Variants in ATM observed in about 807,000 individuals in gnomAD.
ATM encodes the protein serine-protein kinase ATM.
A neutral mutation model predicts 387.0 loss-of-function variants in ATM; 308 were observed. The ratio of observed to expected loss-of-function variants is 0.80; its 90% CI spans 0.73 to 0.87. ATM has a LOEUF of 0.87. ATM is among the 40% of genes least tolerant of loss of function. The pLI is 0.00. For synonymous variants in ATM, 1,156 were observed against 1,187.3 expected, an observed-to-expected ratio of 0.97 and a Z score of 0.54; for missense variants, 3,312 against 3,560.9, an observed-to-expected ratio of 0.93 and a Z score of 1.78.
chr11:108,310,206 A>T lies in ATM; in HGVS notation c.5809A>T (p.Asn1937Tyr), dbSNP rs2136013971. 1 of 1,613,638 alleles carries T rather than the reference A, an allele frequency of 6.2e-7. No homozygotes were observed. Among genetic ancestry groups the T allele is most frequent in the Non-Finnish European group, 8.5e-7 (1 of 1,179,748 alleles). The change falls in exon 39 of 63, where the codon AAT becomes TAT. Residue 1937 changes from asparagine to tyrosine, a missense_variant. Coordinates refer to ENST00000675843, the MANE Select transcript of ATM (RefSeq NM_000051.4). ...TAATGATGCTTTCTGGCTGGATTTA[A>T]ATTATCTAGAAGTTGCCAAGGTAGC... ...IFNDAFWLDL[N>Y]YLEVAKVAQS...
chr11:108,293,919 A>ATATGTG (rs1397910875), intron 31 of ATM, among the ~76,000 whole-genome samples: 1 of 117,054 alleles, frequency 8.5e-6, no homozygotes, highest in East Asian at 2.3e-4. Flanking sequence ...ATATATATAT[A>ATATGTG]TGTGTGTGTA....
At position 108,246,998 on chromosome 11, in the gene ATM, A is replaced by G. The variant is rs587782257; in HGVS notation, c.936A>G (p.Leu312=). The G allele has an allele frequency of 4.3e-6, 7 of 1,612,578 alleles. No homozygotes were observed. Among genetic ancestry groups the G allele is most frequent in the Non-Finnish European group, 5.1e-6 (6 of 1,179,026 alleles). ...AYESTKWRSI[L]YNLYDLLVNE... ...AATCAACAAAATGGAGAAGTATTTT[A>G]TACAACTTATATGATCTGCTAGTGA... is the stretch of plus-strand genomic sequence containing the variant. The change falls in exon 8 of 63, where the codon TTA becomes TTG. Residue 312 remains leucine (L), a synonymous_variant. Transcript: ENST00000675843.
rs1215387148 is a variant in ATM at position 108,317,349 on chromosome 11, A to G, written c.6199-24A>G. 6 of 1,605,800 alleles carry G rather than the reference A, an allele frequency of 3.7e-6. No individual in the cohort carries two copies. The Admixed American group carries it at 1.0e-4, about 27-fold the overall frequency. ...GTTGATATCTTTGATTACTTAACTT[A>G]AAAACAAAATAACTCCTGTTTAGGC... On this transcript the variant is annotated intron_variant, in intron 42 of 62. Coordinates refer to ENST00000675843, the MANE Select transcript of ATM (RefSeq NM_000051.4).
At chr11:108,302,800 G>T in intron 35 of ATM, 53 bp from the exon 36 acceptor site, 1 of 1,502,904 alleles carries the variant, frequency 6.7e-7, no homozygotes, top group Non-Finnish European at 9.2e-7. Flanking sequence ...TGTAGGAAAG[G>T]TACAATGATT....
chr11:108,330,516 C>A, intron 50 of ATM, 95 bp downstream of exon 50: 1 of 1,277,294 alleles, frequency 7.8e-7, no homozygotes, highest in Non-Finnish European at 1.1e-6. Flanking sequence ...CTTTGTATTC[C>A]TAGCACTTGG....
chr11:108,271,807 T>C (rs1310369431), intron 20 of ATM, among the ~76,000 whole-genome samples: 1 of 152,210 alleles, frequency 6.6e-6, no homozygotes, highest in African/African-American at 2.4e-5. Flanking sequence ...CACATACATA[T>C]AATTTAGAAC....
At chr11:108,277,489 G>A (rs149779327) in intron 22 of ATM, among the ~76,000 whole-genome samples, 358 of 152,278 alleles carry the variant, frequency 2.4e-3, no homozygotes, top group African/African-American at 8.3e-3. Flanking sequence ...CCAGGGCCCT[G>A]GTGGTGTAGG....
At chr11:108,310,745 C>CA (rs2084084118) in intron 39 of ATM, among the ~76,000 whole-genome samples, 1 of 151,740 alleles carries the variant, frequency 6.6e-6, no homozygotes, top group East Asian at 1.9e-4. Flanking sequence ...AATTATAATC[C>CA]AAAATGGCTA....
Position 108,362,229 on chromosome 11 carries a change from C to T in ATM, c.8851-2853C>T, listed in dbSNP as rs1297852459. Among the ~76,000 whole-genome samples, 362 of 147,832 alleles carry T rather than the reference C, an allele frequency of 2.4e-3. 2 individuals carry two copies. The highest frequency in any genetic ancestry group is 8.7e-3 in the African/African-American group (350 of 40,428). Reference sequence around the variant, plus strand: ...ATCATCACTGGCCATCAGAGAAATGCAAATCAAAACCACAATGAGATACCA... The same window carrying T: ...ATCATCACTGGCCATCAGAGAAATGTAAATCAAAACCACAATGAGATACCA... On this transcript the variant is annotated intron_variant, in intron 61 of 62. Transcript: ENST00000675843.
intron 55 of ATM, among the ~76,000 whole-genome samples, chr11:108,335,476 C>T (rs138460059): frequency 6.6e-6 from 1 of 152,238 alleles, no homozygotes; most frequent in African/African-American, 2.4e-5. Flanking sequence ...GTGCCAAGTG[C>T]TATTTAATGT....
rs55666914 is a variant in ATM at position 108,256,485 on chromosome 11, A to G, written c.2250+145A>G. ...TTTATGTAATGTGAGAAGAAATTATACTATGTATTTTTTAAATTGTTTTAA... is the reference window on the plus strand; with the variant it reads ...TTTATGTAATGTGAGAAGAAATTATGCTATGTATTTTTTAAATTGTTTTAA... On this transcript the variant is annotated intron_variant, in intron 14 of 62. Coordinates refer to ENST00000675843, the MANE Select transcript of ATM (RefSeq NM_000051.4). The G allele has an allele frequency of 5.4e-4, 403 of 751,672 alleles. 1 individual carries two copies. Among genetic ancestry groups the G allele is most frequent in the African/African-American group, 1.7e-3 (96 of 55,952 alleles). 46.6% of individuals were successfully genotyped at this position (751,672 alleles called of 1,614,324 possible).
At chr11:108,266,390 A>C (rs1004285953) in intron 16 of ATM, among the ~76,000 whole-genome samples, 1 of 151,284 alleles carries the variant, frequency 6.6e-6, no homozygotes, top group African/African-American at 2.4e-5. Flanking sequence ...CAAGAAGAAA[A>C]AACCAAACAC....
chr11:108,301,056 A>G (rs997545723), intron 34 of ATM, among the ~76,000 whole-genome samples: 2 of 151,558 alleles, frequency 1.3e-5, no homozygotes, highest in African/African-American at 4.8e-5. Context: ...GCCACACCAC[A>G]CTCAGCCAGT....
chr11:108,350,034 A>T (rs1456119413), intron 59 of ATM, among the ~76,000 whole-genome samples: 1 of 152,158 alleles, frequency 6.6e-6, no homozygotes, highest in Non-Finnish European at 1.5e-5. Context: ...TAAGAATTGG[A>T]GGGATGGTAA....
chr11:108,284,409 A>G lies in ATM; in HGVS notation c.3929A>G (p.Gln1310Arg). The change falls in exon 26 of 63, where the codon CAG becomes CGG. Residue 1310 changes from glutamine to arginine, a missense_variant. Coordinates refer to ENST00000675843, the MANE Select transcript of ATM (RefSeq NM_000051.4). ...GGTACCAGAGACAGTGGGATGGCAC[A>G]GCAAAGAGAGACTGCTACCAAGGTC... ...YEGTRDSGMA[Q>R]QRETATKVYD... The G allele has an allele frequency of 6.2e-7, 1 of 1,614,042 alleles. No individual in the cohort carries two copies. Among genetic ancestry groups the G allele is most frequent in the Non-Finnish European group, 8.5e-7 (1 of 1,179,936 alleles).
chr11:108,269,323 C>T (rs2081444445), intron 18 of ATM, among the ~76,000 whole-genome samples: 1 of 152,058 alleles, frequency 6.6e-6, no homozygotes, highest in East Asian at 1.9e-4. Context: ...AGGTCCCTTG[C>T]TCTGAGTTTG....
intron 45 of ATM, among the ~76,000 whole-genome samples, chr11:108,322,748 A>G (rs554173875): frequency 6.6e-6 from 1 of 152,066 alleles, no homozygotes; most frequent in Non-Finnish European, 1.5e-5. Context: ...TCAGCTTAAA[A>G]GTGCTTTTCT....
chr11:108,342,703 A>C (rs2087740022), intron 56 of ATM, among the ~76,000 whole-genome samples: 1 of 152,182 alleles, frequency 6.6e-6, no homozygotes, highest in Admixed American at 6.5e-5. Flanking sequence ...ATTTTAAAAA[A>C]CTTTCCTAGT....
At chr11:108,224,355 T>G (rs2078635262) in intron 1 of ATM, 1 of 152,222 alleles carries the variant, frequency 6.6e-6, no homozygotes, top group South Asian at 2.1e-4. Context: ...ATTGTCAAGT[T>G]GTGCAAAGGG....
Sources: allele counts gnomAD v4.1 joint callset (sites outside exome capture counted in the v4.1 genomes callset), GRCh38; gene constraint gnomAD v4.1.1; transcripts MANE v1.5; gene names NCBI Gene and HGNC (gene_info 2026-07-23, HGNC 2026-07-21).